The following LPIN1 variants were observed in gnomAD, a reference collection of about 807,000 sequenced individuals.
The protein encoded by LPIN1 is lipin 1, also known as phosphatidate phosphatase LPIN1.
Under a neutral mutation model 107.5 loss-of-function variants are expected in LPIN1, and 71 were observed. The ratio of observed to expected loss-of-function variants is 0.66; its 90% CI spans 0.55 to 0.80. The LOEUF (loss-of-function observed/expected upper bound fraction) is 0.80. Ranked by LOEUF, LPIN1 falls within the 30% of genes least tolerant of loss-of-function variation. The pLI is 0.00. For missense variants in LPIN1, 1,043 were observed against 1,160.6 expected (o/e 0.90, Z 1.47); for synonymous variants, 445 against 452.6 (o/e 0.98, Z 0.21).
chr2:11,721,263 CGTGTGTGTGTGTGTGTGTGT>C (rs5829326), upstream of LPIN1, among the ~76,000 whole-genome samples: 7 of 129,806 alleles, frequency 5.4e-5, no homozygotes, highest in East Asian at 2.3e-4. Flanking sequence ...GTACTGCATG[CGTGTGTGTGTGTGTGTGTGT>C]GTGTGTGTGT....
At chr2:11,810,859 A>G (rs1296773076) in intron 17 of LPIN1, among the ~76,000 whole-genome samples, 1 of 152,120 alleles carries the variant, frequency 6.6e-6, no homozygotes, top group Admixed American at 6.5e-5. Context: ...TTTCCAAACT[A>G]TTTAAATCTC....
At chr2:11,678,610 C>T (rs572023865) in intron 1 of LPIN1, among the ~76,000 whole-genome samples, 2 of 152,328 alleles carry the variant, frequency 1.3e-5, no homozygotes, top group South Asian at 4.1e-4. Flanking sequence ...CCTCCCGCTG[C>T]TGGACCCCAA....
At chr2:11,785,600 A>T (rs1214080867) in intron 10 of LPIN1, among the ~76,000 whole-genome samples, 1 of 152,168 alleles carries the variant, frequency 6.6e-6, no homozygotes, top group Admixed American at 6.5e-5. Context: ...CAGTGGGTGC[A>T]GTCAGCAGTT....
At chr2:11,815,032 T>C (rs1281282921) in intron 17 of LPIN1, 56 bp from the exon 18 acceptor site, 1 of 1,507,798 alleles carries the variant, frequency 6.6e-7, no homozygotes, top group African/African-American at 1.4e-5. Flanking sequence ...GATTTATGAA[T>C]GCAGAAAGGT....
chr2:11,813,774 C>T (rs115085268), intron 17 of LPIN1, among the ~76,000 whole-genome samples: 6,947 of 151,996 alleles, frequency 0.046, 234 homozygotes, highest in Non-Finnish European at 0.071. Context: ...AATTAGCCGG[C>T]GTGGTGGTGC....
At chr2:11,730,763 C>T (rs970721698) in intron 1 of LPIN1, among the ~76,000 whole-genome samples, 6 of 152,108 alleles carry the variant, frequency 3.9e-5, no homozygotes, top group Non-Finnish European at 8.8e-5. Flanking sequence ...GCAGCACAGC[C>T]GTCACTTCCT....
chr2:11,771,190 T>C lies in LPIN1; in HGVS notation c.289-182T>C, dbSNP rs910228023. On this transcript the variant is annotated intron_variant, in intron 3 of 20. Coordinates refer to ENST00000674199, the MANE Select transcript of LPIN1 (RefSeq NM_001349206.2). The surrounding 1 kb of genome is among the most constrained non-coding windows in gnomAD (Gnocchi z 4.8). ...ATACATTGTTGGCTTTCTGATCTTCTACCAGATTGGGCAGCCACATCTCCA... is the reference window on the plus strand; with the variant it reads ...ATACATTGTTGGCTTTCTGATCTTCCACCAGATTGGGCAGCCACATCTCCA... Among the ~76,000 whole-genome samples, 2 of 152,198 alleles carry C rather than the reference T, an allele frequency of 1.3e-5. No homozygotes were observed. The highest frequency in any genetic ancestry group is 4.1e-4 in the South Asian group (2 of 4,832).
In LPIN1 at chr2:11,765,122, C is replaced by T. The variant is rs13014097; in HGVS notation, c.-9-411C>T. The stretch of plus-strand genomic sequence containing the variant: ...GGTCCATGATGGGCCATGGTGGACA[C>T]TGATGGGCCGTAATGGGCCATGATG... On this transcript the variant is annotated intron_variant, in intron 1 of 20. Transcript: ENST00000674199. The surrounding 1 kb of genome is among the most constrained non-coding windows in gnomAD (Gnocchi z 4.4). Among the ~76,000 whole-genome samples, 1 of 148,990 alleles carries T rather than the reference C, an allele frequency of 6.7e-6. No homozygotes were observed. Among genetic ancestry groups the T allele is most frequent in the Non-Finnish European group, 1.5e-5 (1 of 67,410 alleles).
intron 1 of LPIN1, among the ~76,000 whole-genome samples, chr2:11,701,084 T>A (rs570239687): frequency 6.6e-6 from 1 of 152,240 alleles, no homozygotes; most frequent in Non-Finnish European, 1.5e-5. Context: ...GTTATTCTTG[T>A]CTCCTTGAAG....
chr2:11,720,838 G>C (rs530907346), upstream of LPIN1, among the ~76,000 whole-genome samples: 4 of 151,980 alleles, frequency 2.6e-5, no homozygotes, highest in East Asian at 7.8e-4. Context: ...GGATGCTGCA[G>C]CTGAGTTGAG....
intron 1 of LPIN1, among the ~76,000 whole-genome samples, chr2:11,678,009 T>C (rs1661519366): frequency 6.6e-6 from 1 of 152,260 alleles, no homozygotes; most frequent in Admixed American, 6.5e-5. Flanking sequence ...TAGTGATTGC[T>C]TAATCTTCAA....
chr2:11,709,146 A>G (rs545686874), intron 1 of LPIN1, among the ~76,000 whole-genome samples: 10 of 152,294 alleles, frequency 6.6e-5, no homozygotes, highest in Admixed American at 6.5e-4. Flanking sequence ...GTCCTCTTAC[A>G]TAAAACATCA....
chr2:11,785,655 C>G (rs958156263), intron 10 of LPIN1, among the ~76,000 whole-genome samples: 1 of 152,090 alleles, frequency 6.6e-6, no homozygotes, highest in Non-Finnish European at 1.5e-5. Context: ...CCTCCCGCCC[C>G]CTCTCTCACC....
intron 12 of LPIN1, chr2:11,791,593 T>G (rs969270853): frequency 8.7e-7 from 1 of 1,144,982 alleles, no homozygotes. Flanking sequence ...CCACTTTAAT[T>G]TGAAAACTTC....
In LPIN1 at chr2:11,815,095, T is replaced by C. The variant is rs779028083; in HGVS notation, c.2257T>C (p.Tyr753His). The C allele has an allele frequency of 6.2e-7, 1 of 1,614,112 alleles. No homozygotes were observed. The highest frequency in any genetic ancestry group is 1.1e-5 in the South Asian group (1 of 91,084). Residue 753 changes from tyrosine to histidine, a missense_variant, in exon 18 of 21, where the codon TAT becomes CAT. Coordinates refer to ENST00000674199, the MANE Select transcript of LPIN1 (RefSeq NM_001349206.2). The stretch of plus-strand genomic sequence containing the variant: ...ATGTTTTATGTCTTTCAGGAATGGA[T>C]ATAAATTTCTCTACTGTTCTGCCCG... ...KLYHKVSQNG[Y>H]KFLYCSARAI...
intron 12 of LPIN1, chr2:11,791,688 T>G: frequency 7.3e-7 from 1 of 1,370,886 alleles, no homozygotes; most frequent in Non-Finnish European, 9.6e-7. Flanking sequence ...GTTTGTTTAT[T>G]CCTTTAACAT....
At chr2:11,701,959 C>T (rs1662895121) in intron 1 of LPIN1, among the ~76,000 whole-genome samples, 1 of 152,240 alleles carries the variant, frequency 6.6e-6, no homozygotes, top group Admixed American at 6.5e-5. Flanking sequence ...TTTCTGACGT[C>T]ATTGTGCTCA....
chr2:11,681,457 G>T, intron 1 of LPIN1: 1 of 157,622 alleles, frequency 6.3e-6, no homozygotes, highest in South Asian at 1.8e-4. Flanking sequence ...GGCCATATAG[G>T]ACGTGCTGGC....
At chr2:11,796,871 A>G (rs1376449754) in intron 14 of LPIN1, among the ~76,000 whole-genome samples, 2 of 152,210 alleles carry the variant, frequency 1.3e-5, no homozygotes, top group African/African-American at 4.8e-5. Context: ...AGCAGTCGAC[A>G]TTGGAGTCAG....
Sources: gnomAD v4.1 joint callset for allele counts (sites outside exome capture counted in the v4.1 genomes callset) on GRCh38, gnomAD v4.1.1 for gene constraint, Gnocchi (gnomAD v3.1) non-coding constraint, MANE v1.5 for transcripts, NCBI Gene and HGNC (gene_info 2026-07-23, HGNC 2026-07-21) for gene names.